Variants in PITRM1 observed in about 807,000 individuals in gnomAD.
PITRM1 encodes pitrilysin metallopeptidase 1.
In PITRM1, 100 loss-of-function variants were observed where a neutral mutation model predicts 129.9. The observed-to-expected ratio is 0.77, with a 90% CI of 0.65 to 0.91. The LOEUF (loss-of-function observed/expected upper bound fraction) is 0.91, where lower values mean the gene tolerates loss of function less well. PITRM1 is among the 40% of genes least tolerant of loss of function. The pLI is 0.00. For synonymous variants in PITRM1, 591 were observed against 508.8 expected, an observed-to-expected ratio of 1.16 and a Z score of -2.17; for missense variants, 1,471 against 1,318.3, an observed-to-expected ratio of 1.12 and a Z score of -1.79.
At chr10:3,171,034 C>T (rs956433243) in intron 1 of PITRM1, among the ~76,000 whole-genome samples, 14 of 151,518 alleles carry the variant, frequency 9.2e-5, no homozygotes, top group East Asian at 7.7e-4. Context: ...CCTTACACTG[C>T]GGCCCCAGCA....
chr10:3,139,452 G>A (rs1201528443), intron 24 of PITRM1, among the ~76,000 whole-genome samples: 1 of 152,206 alleles, frequency 6.6e-6, no homozygotes, highest in East Asian at 1.9e-4. Context: ...ACCCAGGGTA[G>A]TACAGGAATC....
chr10:3,152,306 G>A (rs538572282), intron 14 of PITRM1, among the ~76,000 whole-genome samples: 2 of 152,272 alleles, frequency 1.3e-5, no homozygotes, highest in East Asian at 1.9e-4. Context: ...ACCGAGCCAA[G>A]CAAGTATACA....
At chr10:3,153,298 C>A (rs1451924986) in intron 14 of PITRM1, among the ~76,000 whole-genome samples, 1 of 152,204 alleles carries the variant, frequency 6.6e-6, no homozygotes, top group Non-Finnish European at 1.5e-5. Context: ...AGGAAACGTA[C>A]AACCTGTTGC....
At chr10:3,139,455 C>T (rs764556697) in intron 24 of PITRM1, among the ~76,000 whole-genome samples, 2 of 152,178 alleles carry the variant, frequency 1.3e-5, no homozygotes, top group Non-Finnish European at 2.9e-5. Context: ...CAGGGTAGTA[C>T]AGGAATCAGC....
At chr10:3,143,884 G>A (rs1023020860) in intron 22 of PITRM1, 3 of 531,712 alleles carry the variant, frequency 5.6e-6, no homozygotes, top group Middle Eastern at 2.9e-4. Flanking sequence ...TACTCCACAA[G>A]GAACCAAACC....
chr10:3,164,537 A>G (rs1842707899), intron 6 of PITRM1, among the ~76,000 whole-genome samples: 1 of 152,200 alleles, frequency 6.6e-6, no homozygotes, highest in Non-Finnish European at 1.5e-5. Flanking sequence ...GAGCTGTAGG[A>G]CATAAATAAC....
At chr10:3,171,708 G>A (rs753706512) in intron 1 of PITRM1, among the ~76,000 whole-genome samples, 2 of 152,062 alleles carry the variant, frequency 1.3e-5, no homozygotes, top group African/African-American at 2.4e-5. Flanking sequence ...CAACATGCTG[G>A]GATTACAGGT....
At position 3,148,212 on chromosome 10, in the gene PITRM1, G is replaced by A. The variant is rs762451401; in HGVS notation, c.1951C>T (p.His651Tyr). ...LKTGGMSASP[H>Y]VLPDDSHMDT... ...ATGTGTGAGTCGTCGGGGAGCACGTGGGGAGAAGCACTCATCCCTCCGGTC... is the reference window on the plus strand; with the variant it reads ...ATGTGTGAGTCGTCGGGGAGCACGTAGGGAGAAGCACTCATCCCTCCGGTC... Residue 651 changes from histidine to tyrosine, a missense_variant, in exon 17 of 27, where the codon CAC becomes TAC. Transcript: ENST00000224949. The A allele has an allele frequency of 3.1e-6, 5 of 1,613,976 alleles. No homozygotes were observed. In the East Asian group the frequency reaches 6.7e-5, roughly 22 times the overall value.
chr10:3,171,975 A>G (rs891134536), intron 1 of PITRM1, among the ~76,000 whole-genome samples: 3 of 152,248 alleles, frequency 2.0e-5, no homozygotes, highest in African/African-American at 7.2e-5. Flanking sequence ...GAAAAAACCT[A>G]TTCAGTCACT....
In PITRM1 at chr10:3,172,736, G is replaced by A. The variant is rs749517493; in HGVS notation, c.37C>T (p.Leu13=). The A allele has an allele frequency of 1.5e-5, 23 of 1,545,112 alleles. No individual in the cohort carries two copies. The Admixed American group carries it at 2.0e-4, about 13-fold the overall frequency. ...TCTCACCCGCCGCTCAGCCGCCTCA[G>A]CACACACAGGCCCTGCCGCCCGCCG... is the stretch of plus-strand genomic sequence containing the variant. ...RCGGRQGLCV[L]RRLSGGHAHH... Residue 13 remains leucine, a synonymous_variant, in exon 1 of 27, where the codon CTG becomes TTG. Coordinates refer to ENST00000224949, the MANE Select transcript of PITRM1 (RefSeq NM_014889.4).
intron 1 of PITRM1, chr10:3,172,066 TAAG>T (rs1843415636): frequency 5.4e-6 from 2 of 373,718 alleles, no homozygotes; most frequent in Non-Finnish European, 1.1e-5. Flanking sequence ...AGAAGCGTTT[TAAG>T]AAGTTACTTA....
intron 1 of PITRM1, 146 bp downstream of exon 1, chr10:3,172,571 G>T: frequency 1.4e-6 from 1 of 709,414 alleles, no homozygotes; most frequent in South Asian, 2.2e-5. Flanking sequence ...GGGAGCTCCA[G>T]GAAGGGCTCG....
Position 3,156,927 on chromosome 10 carries a change from T to G in PITRM1, c.1482+3A>C. On this transcript the variant is annotated splice_donor_region_variant and intron_variant, in intron 13 of 26. Coordinates refer to ENST00000224949, the MANE Select transcript of PITRM1 (RefSeq NM_014889.4). ...AGAGAAATGAATTATCCAACTTTCT[T>G]ACCTTAAAATACTGTTTTACTTTTT... 6.5e-7 allele frequency: 1 copy of G among 1,534,070 alleles called. No individual in the cohort carries two copies. The highest frequency in any genetic ancestry group is 1.4e-5 in the African/African-American group (1 of 71,790).
rs775145389 is a variant in PITRM1, at chr10:3,156,987, T to C, written c.1425A>G (p.Arg475=). 2 of 1,610,126 alleles carry C rather than the reference T, an allele frequency of 1.2e-6. No homozygotes were observed. The highest frequency in any genetic ancestry group is 2.7e-5 in the African/African-American group (2 of 74,806). Residue 475 remains arginine (R), a synonymous_variant, in exon 13 of 27, where the codon AGA becomes AGG. Transcript: ENST00000224949. ...ATTTTGGATTTTCCTGCAGGCACTG[T>C]CTGAATTTAGCTAACTGATTTCCCA... is the stretch of plus-strand genomic sequence containing the variant. The part of the protein sequence containing the change: ...LKLGNQLAKF[R]QCLQENPKFL...
chr10:3,166,647 A>G lies in PITRM1; in HGVS notation c.267-267T>C, dbSNP rs531219789. Among the ~76,000 whole-genome samples the G allele has an allele frequency of 2.6e-4, 39 of 152,340 alleles. No homozygotes were observed. The South Asian group carries it at 7.2e-3, about 28-fold the overall frequency. On this transcript the variant is annotated intron_variant, in intron 3 of 26. Coordinates refer to ENST00000224949, the MANE Select transcript of PITRM1 (RefSeq NM_014889.4). ...AGTGAGATGATATTTTAAACCACGT[A>G]ATGTATAGCCATGTTTTAAATCAAG... is the stretch of plus-strand genomic sequence containing the variant.
chr10:3,145,130 C>T (rs1413482199), intron 21 of PITRM1: 1 of 158,172 alleles, frequency 6.3e-6, no homozygotes, highest in Non-Finnish European at 1.4e-5. Flanking sequence ...TCAACCTCCT[C>T]CACGGAGCAG....
intron 16 of PITRM1, chr10:3,148,934 G>C (rs1355741047): frequency 6.6e-6 from 1 of 152,472 alleles, no homozygotes; most frequent in Non-Finnish European, 1.5e-5. Context: ...TTCCATCTGA[G>C]CGGACCCTCA....
chr10:3,139,493 C>T (rs1173743851), intron 24 of PITRM1, among the ~76,000 whole-genome samples: 1 of 151,980 alleles, frequency 6.6e-6, no homozygotes, highest in South Asian at 2.1e-4. Flanking sequence ...GACTTCCCTT[C>T]GTGTAAATGC....
At position 3,167,033 on chromosome 10, in the gene PITRM1, C is replaced by A. The variant is rs1255099923; in HGVS notation, c.169G>T (p.Val57Phe). The A allele has an allele frequency of 6.2e-7, 1 of 1,600,618 alleles. No individual in the cohort carries two copies. Among genetic ancestry groups the A allele is most frequent in the East Asian group, 2.2e-5 (1 of 44,746 alleles). ...HGFTVNQVTS[V>F]PELFLTAVKL... ...ACTGCAGTCAGGAACAGCTCGGGAA[C>A]AGATGTCACCTGAGTTAACAAGAAA... Residue 57 changes from valine to phenylalanine, a missense_variant, in exon 3 of 27, where the codon GTT becomes TTT. Physicochemically the swap from Val to Phe is conservative, Grantham distance 50. Transcript: ENST00000224949.
Sources: gnomAD v4.1 joint callset for allele counts (sites outside exome capture counted in the v4.1 genomes callset) on GRCh38, gnomAD v4.1.1 for gene constraint, MANE v1.5 for transcripts, NCBI Gene and HGNC (gene_info 2026-07-23, HGNC 2026-07-21) for gene names.